Variants in PRELID2 observed in about 807,000 individuals in gnomAD.
PRELID2 encodes PRELI domain containing 2, also known as PRELI domain-containing protein 2.
A neutral mutation model predicts 28.4 loss-of-function variants in PRELID2; 25 were observed. The ratio of observed to expected loss-of-function variants is 0.88; its 90% CI spans 0.64 to 1.23. PRELID2 has a LOEUF of 1.23. PRELID2 is among the 50% of genes most tolerant of loss of function. PRELID2 has a pLI of 0.00. For synonymous variants in PRELID2, 76 were observed against 71.6 expected, an observed-to-expected ratio of 1.06 and a Z score of -0.31; for missense variants, 201 against 214.4, an observed-to-expected ratio of 0.94 and a Z score of 0.39.
the PRELID2 span, among the ~76,000 whole-genome samples, chr5:145,291,458 A>G: frequency 1.3e-5 from 2 of 151,986 alleles, no homozygotes; most frequent in Non-Finnish European, 2.9e-5. Context: ...AGGAGCTAGA[A>G]AGAGGCAAGG....
At position 145,712,176 on chromosome 5, in the gene PRELID2, T is replaced by G. The variant is rs182431846; in HGVS notation, n.70+52755A>C. On this transcript the variant is annotated intron_variant and non_coding_transcript_variant, in intron 1 of 2. Transcript: ENST00000510259. Reference sequence around the variant, plus strand: ...CTGATTGTCAAATGTTCAGCAATTTTGTGAGTCAATGTTAAATACCTGCAC... The same window carrying G: ...CTGATTGTCAAATGTTCAGCAATTTGGTGAGTCAATGTTAAATACCTGCAC... Among the ~76,000 whole-genome samples the G allele has an allele frequency of 1.6e-4, 25 of 152,366 alleles. No individual in the cohort carries two copies. The East Asian group carries it at 4.8e-3, about 29-fold the overall frequency.
At chr5:145,483,971 G>C (rs1580954185) in intron 1 of PRELID2, among the ~76,000 whole-genome samples, 2 of 152,140 alleles carry the variant, frequency 1.3e-5, no homozygotes, top group Admixed American at 1.3e-4. Flanking sequence ...AAGATTTATT[G>C]AATAAATTAC....
intron 1 of PRELID2, among the ~76,000 whole-genome samples, chr5:145,649,917 T>C (rs1754260303): frequency 6.6e-6 from 1 of 152,218 alleles, no homozygotes. Flanking sequence ...CTCTTGTTTG[T>C]TTCTTGTTGT....
chr5:145,457,454 AT>A, the PRELID2 span, among the ~76,000 whole-genome samples: 1 of 152,192 alleles, frequency 6.6e-6, no homozygotes, highest in Non-Finnish European at 1.5e-5. Flanking sequence ...ATTATAATTC[AT>A]TCCAGGGAAC....
the PRELID2 span, among the ~76,000 whole-genome samples, chr5:145,254,931 AT>A: frequency 6.7e-5 from 10 of 149,180 alleles, no homozygotes; most frequent in Non-Finnish European, 8.9e-5. Flanking sequence ...AAAAAAAAAA[AT>A]GACTCCACCC....
At chr5:145,672,091 C>G (rs1754718194) in intron 1 of PRELID2, among the ~76,000 whole-genome samples, 1 of 152,148 alleles carries the variant, frequency 6.6e-6, no homozygotes, top group African/African-American at 2.4e-5. Context: ...ACACTTCTTC[C>G]ATGGCTCACT....
intron 1 of PRELID2, among the ~76,000 whole-genome samples, chr5:145,639,385 G>A (rs556095246): frequency 8.5e-5 from 13 of 152,192 alleles, no homozygotes; most frequent in Admixed American, 7.2e-4. Context: ...TGGGATCACA[G>A]AGGTCTAAGC....
chr5:145,558,947 T>C (rs1361107470), intron 1 of PRELID2, among the ~76,000 whole-genome samples: 1 of 151,932 alleles, frequency 6.6e-6, no homozygotes, highest in Non-Finnish European at 1.5e-5. Flanking sequence ...ACCATGAAAA[T>C]AAATATAAGT....
At chr5:145,366,407 G>A in the PRELID2 span, among the ~76,000 whole-genome samples, 1 of 151,778 alleles carries the variant, frequency 6.6e-6, no homozygotes, top group African/African-American at 2.4e-5. Context: ...AAAATAACAG[G>A]AATTTGGAGT....
the PRELID2 span, among the ~76,000 whole-genome samples, chr5:145,369,960 G>GTT: frequency 3.7e-4 from 54 of 147,724 alleles, no homozygotes; most frequent in South Asian, 1.5e-3. Flanking sequence ...GTTTTAATGG[G>GTT]TTTTTTTTTT....
At chr5:145,819,482 A>C (rs1293071634) in intron 3 of PRELID2, 1 of 974,714 alleles carries the variant, frequency 1.0e-6, no homozygotes, top group East Asian at 2.4e-5. Flanking sequence ...TTAGAGAAAT[A>C]CACATAAAGA....
chr5:145,642,832 G>A (rs759792221), intron 1 of PRELID2, among the ~76,000 whole-genome samples: 2 of 152,138 alleles, frequency 1.3e-5, no homozygotes, highest in Non-Finnish European at 2.9e-5. Context: ...TTGTAGATGT[G>A]TGGTGTTATT....
intron 1 of PRELID2, among the ~76,000 whole-genome samples, chr5:145,583,232 AAT>A (rs1218251992): frequency 6.6e-6 from 1 of 152,158 alleles, no homozygotes; most frequent in African/African-American, 2.4e-5. Flanking sequence ...CCTTTGATAA[AAT>A]TTAACATCCC....
downstream of PRELID2, among the ~76,000 whole-genome samples, chr5:145,752,414 C>A (rs904772999): frequency 2.0e-5 from 3 of 152,100 alleles, no homozygotes; most frequent in Non-Finnish European, 4.4e-5. Context: ...CCATCTAGTG[C>A]CACCAATGCG....
the PRELID2 span, among the ~76,000 whole-genome samples, chr5:145,376,731 T>C: frequency 1.3e-5 from 2 of 152,214 alleles, no homozygotes; most frequent in Non-Finnish European, 2.9e-5. Context: ...GTAGGATCAA[T>C]GGTAATATCT....
intron 1 of PRELID2, among the ~76,000 whole-genome samples, chr5:145,518,882 T>C (rs944772427): frequency 6.6e-6 from 1 of 152,180 alleles, no homozygotes; most frequent in Non-Finnish European, 1.5e-5. Flanking sequence ...CCAGTCCAAA[T>C]TGTCAATAGT....
chr5:145,430,350 A>G, the PRELID2 span, among the ~76,000 whole-genome samples: 3 of 152,144 alleles, frequency 2.0e-5, no homozygotes, highest in East Asian at 1.9e-4. Context: ...TATAAAAAAG[A>G]TTTATTTCTT....
intron 1 of PRELID2, among the ~76,000 whole-genome samples, chr5:145,565,390 ACCAAGTGT>A (rs1433972534): frequency 6.6e-6 from 1 of 152,212 alleles, no homozygotes; most frequent in African/African-American, 2.4e-5. Context: ...GCTGCATCAA[ACCAAGTGT>A]CTTTGCTGCC....
the PRELID2 span, among the ~76,000 whole-genome samples, chr5:145,234,051 A>G: frequency 6.6e-6 from 1 of 152,152 alleles, no homozygotes; most frequent in Non-Finnish European, 1.5e-5. Flanking sequence ...TTATATTTAC[A>G]TGGAGTATTC....
Sources: allele counts gnomAD v4.1 joint callset (sites outside exome capture counted in the v4.1 genomes callset), GRCh38; gene constraint gnomAD v4.1.1; transcripts MANE v1.5; gene names NCBI Gene and HGNC (gene_info 2026-07-23, HGNC 2026-07-21).